Variants in LPAR5 observed in about 807,000 individuals in gnomAD.
The protein encoded by LPAR5 is G protein-coupled receptor 92.
For missense variants in LPAR5, 544 were observed against 521.8 expected (o/e 1.04, Z -0.41); for synonymous variants, 271 against 261.6 (o/e 1.04, Z -0.35).
chr12:6,635,856 G>A (rs1949005539), intron 1 of LPAR5, 51 bp downstream of exon 1: 1 of 152,366 alleles, frequency 6.6e-6, no homozygotes, highest in Non-Finnish European at 1.5e-5. Flanking sequence ...TTCTACAGGG[G>A]GGTGCTCCCC....
chr12:6,621,647 G>A (rs145932140), intron 1 of LPAR5, among the ~76,000 whole-genome samples, 183 bp from the exon 2 acceptor site: 69 of 152,326 alleles, frequency 4.5e-4, no homozygotes, highest in Non-Finnish European at 6.5e-4. Flanking sequence ...GCAGGGACTC[G>A]GATGCCTAGG....
chr12:6,620,520 G>A lies in LPAR5; in HGVS notation c.729C>T (p.Phe243=). 1 of 1,580,874 alleles carries A rather than the reference G, an allele frequency of 6.3e-7. No homozygotes were observed. The highest frequency in any genetic ancestry group is 8.6e-7 in the Non-Finnish European group (1 of 1,163,964). ...VRLLLANLVI[F]LLCFVPYNST... ...TGTTGTAGGGCACGAAGCACAGCAG[G>A]AAGATGACGAGGTTAGCCAGCAGGA... Residue 243 remains phenylalanine (F), a synonymous_variant, in exon 2 of 2, where the codon TTC becomes TTT. Coordinates refer to ENST00000329858, the MANE Select transcript of LPAR5 (RefSeq NM_020400.6). The surrounding 1 kb of genome is among the most constrained non-coding windows in gnomAD (Gnocchi z 6.8).
At chr12:6,631,557 G>T (rs1948980855) in intron 1 of LPAR5, 1 of 152,500 alleles carries the variant, frequency 6.6e-6, no homozygotes, top group Admixed American at 6.6e-5. Context: ...AGCTTCCCAT[G>T]TACACATCCG....
intron 1 of LPAR5, among the ~76,000 whole-genome samples, chr12:6,634,124 G>A (rs1439215406): frequency 6.6e-6 from 1 of 152,106 alleles, no homozygotes; most frequent in African/African-American, 2.4e-5. Context: ...TCCTGCCTCA[G>A]CCTCCCGAGC....
chr12:6,629,411 A>G (rs1463547512), intron 1 of LPAR5, among the ~76,000 whole-genome samples: 1 of 146,740 alleles, frequency 6.8e-6, no homozygotes, highest in East Asian at 2.0e-4. Context: ...GCGGTGGCTT[A>G]CACCTGTAAT....
intron 1 of LPAR5, among the ~76,000 whole-genome samples, chr12:6,635,548 A>G (rs911271683): frequency 6.6e-5 from 10 of 152,072 alleles, no homozygotes; most frequent in African/African-American, 2.4e-4. Flanking sequence ...TGCGAGTGGA[A>G]AAAGTGTGTA....
intron 1 of LPAR5, among the ~76,000 whole-genome samples, chr12:6,624,626 G>A (rs1281969188): frequency 2.6e-5 from 4 of 151,284 alleles, no homozygotes; most frequent in Admixed American, 6.6e-5. Context: ...TTTCTTTTCC[G>A]TTTTTTTCTT....
rs898303193 is a variant in LPAR5, at chr12:6,620,436, G to C, written c.813C>G (p.Ala271=). 6.2e-7 allele frequency: 1 copy of C among 1,602,392 alleles called. No homozygotes were observed. Among genetic ancestry groups the C allele is most frequent in the Non-Finnish European group, 8.5e-7 (1 of 1,175,064 alleles). The change falls in exon 2 of 2, where the codon GCC becomes GCG. Residue 271 remains alanine (A), a synonymous_variant. Transcript: ENST00000329858. This position sits in a 1 kb window ranked among gnomAD's most constrained non-coding sequence, Gnocchi z 6.8. The part of the protein sequence containing the change: ...RSKLVAASVP[A]RDRVRGVLMV... The stretch of plus-strand genomic sequence containing the variant: ...TCAGCACCCCGCGCACGCGATCGCG[G>C]GCAGGCACGCTGGCCGCCACCAGCT...
Position 6,621,129 on chromosome 12 carries a change from G to C in LPAR5, c.120C>G (p.Asn40Lys). The change falls in exon 2 of 2, where the codon AAC (asparagine) becomes AAG (lysine). Residue 40 changes from asparagine to lysine, a missense_variant. Coordinates refer to ENST00000329858, the MANE Select transcript of LPAR5 (RefSeq NM_020400.6). ...SLVLAAGLPL[N>K]ALALWVFLRA... ...GCAGGAAGACCCAGAGGGCTAGCGC[G>C]TTGAGGGGGAGCCCGGCAGCCAGCA... 4.4e-6 allele frequency: 7 copies of C among 1,601,366 alleles called. No individual in the cohort carries two copies. The highest frequency in any genetic ancestry group is 5.1e-6 in the Non-Finnish European group (6 of 1,173,506).
At chr12:6,632,841 GC>G (rs1565389438) in intron 1 of LPAR5, among the ~76,000 whole-genome samples, 2 of 152,160 alleles carry the variant, frequency 1.3e-5, no homozygotes, top group African/African-American at 2.4e-5. Context: ...GCCTCCTTCT[GC>G]CCAGGGGCCA....
intron 1 of LPAR5, among the ~76,000 whole-genome samples, chr12:6,629,699 A>C (rs972405910): frequency 6.6e-6 from 1 of 151,102 alleles, no homozygotes; most frequent in Non-Finnish European, 1.5e-5. Flanking sequence ...AAAATGTTAA[A>C]TAGACCAAGA....
At chr12:6,631,662 A>AGGGG (rs1948981555) in intron 1 of LPAR5, 1 of 152,270 alleles carries the variant, frequency 6.6e-6, no homozygotes, top group South Asian at 2.1e-4. Context: ...GATAAGCCAG[A>AGGGG]GGGGCAGGGC....
chr12:6,626,181 G>A (rs1948938596), intron 1 of LPAR5, among the ~76,000 whole-genome samples: 1 of 152,160 alleles, frequency 6.6e-6, no homozygotes, highest in Admixed American at 6.5e-5. Flanking sequence ...TGAGTCAGGA[G>A]AATCGCTTGA....
intron 1 of LPAR5, among the ~76,000 whole-genome samples, chr12:6,625,415 C>G (rs540680264): frequency 1.0e-5 from 1 of 96,302 alleles, no homozygotes; most frequent in Non-Finnish European, 2.2e-5. Context: ...ACAGAGACTC[C>G]GTCTCAAAAA....
rs71067128 is a variant in LPAR5, at chr12:6,628,028, C to CTTTTTTTTTTTTTTTTTTT, written c.-216-6565_-216-6564insAAAAAAAAAAAAAAAAAAA. Among the ~76,000 whole-genome samples, 4 of 134,486 alleles carry CTTTTTTTTTTTTTTTTTTT rather than the reference C, an allele frequency of 3.0e-5. 1 individual carries two copies. Among genetic ancestry groups the CTTTTTTTTTTTTTTTTTTT allele is most frequent in the East Asian group, 2.2e-4 (1 of 4,636 alleles). 88.2% of individuals were successfully genotyped at this position (134,486 alleles called of 152,430 possible). On this transcript the variant is annotated intron_variant, in intron 1 of 1. Transcript: ENST00000329858. ...GATCATTCTTTTCTTTTTCTTTTTT[C>CTTTTTTTTTTTTTTTTTTT]TTTTTTTTTTTGAGACAGAGTCTTG...
At chr12:6,630,097 G>GTTAC in intron 1 of LPAR5, among the ~76,000 whole-genome samples, 1 of 151,896 alleles carries the variant, frequency 6.6e-6, no homozygotes, top group East Asian at 1.9e-4. Context: ...ATGCTCTCTT[G>GTTAC]TTACTCTATT....
At position 6,619,710 on chromosome 12, in the gene LPAR5, A is replaced by T; in HGVS notation, c.*420T>A. On this transcript the variant is annotated 3_prime_UTR_variant, in exon 2 of 2. Transcript: ENST00000329858. The stretch of plus-strand genomic sequence containing the variant: ...CCTAGACAGAAGTCAGCAGATGAAC[A>T]GGCATCTCAGTAGCTTTGTCCACCA... The T allele has an allele frequency of 2.8e-6, 1 of 357,624 alleles. No individual in the cohort carries two copies. The highest frequency in any genetic ancestry group is 2.1e-5 in the African/African-American group (1 of 47,162). 22.2% of individuals were successfully genotyped at this position (357,624 alleles called of 1,614,324 possible).
At chr12:6,631,426 C>A (rs574219112) in intron 1 of LPAR5, among the ~76,000 whole-genome samples, 1 of 152,264 alleles carries the variant, frequency 6.6e-6, no homozygotes, top group Non-Finnish European at 1.5e-5. Flanking sequence ...CACTGAGGAG[C>A]AAAGTGACCA....
chr12:6,626,879 A>G (rs920235915), intron 1 of LPAR5, among the ~76,000 whole-genome samples: 24 of 152,198 alleles, frequency 1.6e-4, no homozygotes, highest in Non-Finnish European at 2.9e-4. Context: ...CTCCCCATGC[A>G]TGGTAGTCAG....
Sources: gnomAD v4.1 joint callset for allele counts (sites outside exome capture counted in the v4.1 genomes callset) on GRCh38, gnomAD v4.1.1 for gene constraint, Gnocchi (gnomAD v3.1) non-coding constraint, MANE v1.5 for transcripts, NCBI Gene and HGNC (gene_info 2026-07-23, HGNC 2026-07-21) for gene names.